Variants in ATP6V1C2 observed in about 807,000 individuals in gnomAD.
The protein encoded by ATP6V1C2 is ATPase H+ transporting V1 subunit C2, also known as V-type proton ATPase subunit C 2.
A neutral mutation model predicts 56.8 loss-of-function variants in ATP6V1C2; 45 were observed. That is an observed-to-expected ratio of 0.79 (90% CI 0.62 to 1.02). The LOEUF (loss-of-function observed/expected upper bound fraction) is 1.02, where lower values mean the gene tolerates loss of function less well. Among genes scored for constraint, ATP6V1C2 ranks in the 50% least tolerant of loss-of-function variants. The probability of loss-of-function intolerance (pLI) is 0.00; values close to 1 mark genes in which losing one functional copy is unlikely to be tolerated. For synonymous variants in ATP6V1C2, 220 were observed against 201.3 expected (o/e 1.09, Z -0.79); for missense variants, 463 against 519.7 (o/e 0.89, Z 1.06).
intron 3 of ATP6V1C2, among the ~76,000 whole-genome samples, chr2:10,745,370 C>G (rs199636597): frequency 2.4e-4 from 31 of 131,588 alleles, no homozygotes; most frequent in Admixed American, 2.2e-3. Context: ...TTTTTTTTTT[C>G]TTTAGACAGA....
At chr2:10,773,484 G>A (rs1464671488) in intron 8 of ATP6V1C2, among the ~76,000 whole-genome samples, 2 of 152,182 alleles carry the variant, frequency 1.3e-5, no homozygotes, top group African/African-American at 4.8e-5. Flanking sequence ...CCGGGTTTAA[G>A]CAACTCTTCT....
chr2:10,726,447 G>A, intron 2 of ATP6V1C2, 55 bp from the exon 3 acceptor site: 1 of 1,358,752 alleles, frequency 7.4e-7, no homozygotes, highest in Non-Finnish European at 1.1e-6. Flanking sequence ...TGTTGAGATG[G>A]CATCATGCTT....
chr2:10,741,710 CTG>C (rs34172772), intron 3 of ATP6V1C2, among the ~76,000 whole-genome samples: 149,891 of 152,234 alleles, frequency 0.98, 73,836 homozygotes, highest in Non-Finnish European at 1. Context: ...TTCTGGGCCT[CTG>C]TGCACTCCAT....
At chr2:10,779,006 C>T (rs6750383) in intron 12 of ATP6V1C2, among the ~76,000 whole-genome samples, 53,366 of 152,082 alleles carry the variant, frequency 0.35, 10,111 homozygotes, top group South Asian at 0.51. Context: ...CTGGAAGGCG[C>T]TCTCGGGCTG....
chr2:10,723,828 ACT>A (rs1661489103), intron 2 of ATP6V1C2, among the ~76,000 whole-genome samples: 2 of 113,278 alleles, frequency 1.8e-5, no homozygotes, highest in Non-Finnish European at 3.6e-5. Flanking sequence ...GAACGGCGAG[ACT>A]CTGTCTCAAA....
intron 3 of ATP6V1C2, 109 bp downstream of exon 3, chr2:10,726,678 T>C: frequency 1.9e-6 from 2 of 1,040,262 alleles, no homozygotes; most frequent in Non-Finnish European, 3.0e-6. Flanking sequence ...CTAGACCTGG[T>C]TCCAAAAGTG....
intron 3 of ATP6V1C2, among the ~76,000 whole-genome samples, chr2:10,742,581 C>T (rs1008839820): frequency 6.6e-6 from 1 of 152,196 alleles, no homozygotes; most frequent in Non-Finnish European, 1.5e-5. Flanking sequence ...CTCCCCATAC[C>T]CCTGGACTGG....
chr2:10,779,685 T>TGGAA lies in ATP6V1C2; in HGVS notation c.1061+1016_1061+1017insGGAA, dbSNP rs1168757276. Among the ~76,000 whole-genome samples the TGGAA allele has an allele frequency of 7.8e-3, 676 of 87,054 alleles. 15 individuals are homozygous for TGGAA. Among genetic ancestry groups the TGGAA allele is most frequent in the Non-Finnish European group, 9.1e-3 (421 of 46,228 alleles). 57.1% of individuals were successfully genotyped at this position (87,054 alleles called of 152,430 possible). A position where few individuals can be genotyped will look rare whatever the true frequency, so the allele number is the denominator to read the frequency against. ...TGGGCAACAAGAGAAACTCCGGCTATAGAAAAAAAAAAAAAAAAAAAACTT... is the reference window on the plus strand; with the variant it reads ...TGGGCAACAAGAGAAACTCCGGCTATGGAAAGAAAAAAAAAAAAAAAAAAAACTT... On this transcript the variant is annotated intron_variant, in intron 12 of 13. Coordinates refer to ENST00000272238, the MANE Select transcript of ATP6V1C2 (RefSeq NM_001039362.2).
At chr2:10,727,840 G>T (rs922967355) in intron 3 of ATP6V1C2, among the ~76,000 whole-genome samples, 2 of 151,996 alleles carry the variant, frequency 1.3e-5, no homozygotes, top group Non-Finnish European at 2.9e-5. Flanking sequence ...GGGGATGGGG[G>T]TTGCAGTGAG....
intron 4 of ATP6V1C2, among the ~76,000 whole-genome samples, chr2:10,755,785 C>G (rs547622056): frequency 8.2e-4 from 125 of 152,322 alleles, no homozygotes; most frequent in African/African-American, 2.9e-3. Flanking sequence ...TCCAGCCAGG[C>G]TTCAATTGCC....
In ATP6V1C2 at chr2:10,784,888, G is replaced by C. The variant is rs777727859; in HGVS notation, c.*1625G>C. 1 of 1,358,712 alleles carries C rather than the reference G, an allele frequency of 7.4e-7. No individual in the cohort carries two copies. Among genetic ancestry groups the C allele is most frequent in the East Asian group, 2.5e-5 (1 of 40,246 alleles). The allele number at this position is 1,358,712 out of a possible 1,614,324, so 84.2% of individuals were successfully genotyped here. A position where few individuals can be genotyped will look rare whatever the true frequency, so the allele number is the denominator to read the frequency against. On this transcript the variant is annotated 3_prime_UTR_variant, in exon 14 of 14. Transcript: ENST00000272238. ...TGCAGAGATGCACAGGCTCAAGAGA[G>C]TAAACCAGGACTGCTGCCCGCACAG...
At chr2:10,733,228 G>A (rs1662063215) in intron 3 of ATP6V1C2, among the ~76,000 whole-genome samples, 1 of 152,290 alleles carries the variant, frequency 6.6e-6, no homozygotes, top group East Asian at 1.9e-4. Context: ...TAGTCCAGGG[G>A]TCAGGGTGTC....
At chr2:10,733,599 C>T (rs1031959093) in intron 3 of ATP6V1C2, among the ~76,000 whole-genome samples, 6 of 151,162 alleles carry the variant, frequency 4.0e-5, no homozygotes, top group African/African-American at 1.5e-4. Context: ...TTTGCCCTAT[C>T]ATTCATGAAC....
chr2:10,741,142 A>G (rs928129649), intron 3 of ATP6V1C2, among the ~76,000 whole-genome samples: 6 of 152,232 alleles, frequency 3.9e-5, no homozygotes, highest in African/African-American at 1.4e-4. Flanking sequence ...GAGCCCCTCT[A>G]AAGAGCTAAA....
chr2:10,722,311 T>A (rs1221099306), intron 1 of ATP6V1C2, among the ~76,000 whole-genome samples: 2 of 152,054 alleles, frequency 1.3e-5, no homozygotes, highest in Non-Finnish European at 2.9e-5. Context: ...CTTTTTTTTT[T>A]CTTATTTAAA....
intron 3 of ATP6V1C2, among the ~76,000 whole-genome samples, chr2:10,728,413 T>A (rs1039977131): frequency 6.6e-6 from 1 of 152,194 alleles, no homozygotes; most frequent in Non-Finnish European, 1.5e-5. Context: ...AATGATAGCA[T>A]ATATTCTGCA....
chr2:10,762,884 C>CT (rs1337319060), intron 4 of ATP6V1C2, among the ~76,000 whole-genome samples: 2 of 152,132 alleles, frequency 1.3e-5, no homozygotes, highest in African/African-American at 4.8e-5. Flanking sequence ...GCACCACCCT[C>CT]TCCCTCCCAC....
At chr2:10,783,110 A>G in intron 13 of ATP6V1C2, 64 bp from the exon 14 acceptor site, 1 of 1,374,636 alleles carries the variant, frequency 7.3e-7, no homozygotes, top group Non-Finnish European at 1.0e-6. Flanking sequence ...CTTCCTCAAA[A>G]CTAAAAGGAT....
chr2:10,775,555 C>T (rs1417211054), intron 10 of ATP6V1C2, among the ~76,000 whole-genome samples: 1 of 152,214 alleles, frequency 6.6e-6, no homozygotes. Context: ...CCTGTATTTA[C>T]CTCCCGTGTC....
Sources: gnomAD v4.1 joint callset for allele counts (sites outside exome capture counted in the v4.1 genomes callset) on GRCh38, gnomAD v4.1.1 for gene constraint, MANE v1.5 for transcripts, NCBI Gene and HGNC (gene_info 2026-07-23, HGNC 2026-07-21) for gene names.